CDC25A: variants seen among roughly 807,000 people sequenced by gnomAD.
The protein encoded by CDC25A is cell division cycle 25A.
CDC25A carries 17 observed loss-of-function variants against 64.6 expected under a neutral mutation model. The observed-to-expected ratio is 0.26, with a 90% CI of 0.18 to 0.39. CDC25A has a LOEUF of 0.39. Among genes scored for constraint, CDC25A ranks in the 10% least tolerant of loss-of-function variants. The probability of loss-of-function intolerance (pLI) is 1.00; values close to 1 mark genes in which losing one functional copy is unlikely to be tolerated. For missense variants in CDC25A, 473 were observed against 654.8 expected, an observed-to-expected ratio of 0.72 and a Z score of 3.03; for synonymous variants, 229 against 238.6, an observed-to-expected ratio of 0.96 and a Z score of 0.37.
chr3:48,184,611 GT>G, intron 3 of CDC25A, 41 bp downstream of exon 3: 2 of 1,427,814 alleles, frequency 1.4e-6, no homozygotes, highest in Non-Finnish European at 1.9e-6. Context: ...GTTTAGACAC[GT>G]TTTTTCTACA....
chr3:48,166,796 T>A (rs1190064404), intron 10 of CDC25A, among the ~76,000 whole-genome samples: 1 of 152,180 alleles, frequency 6.6e-6, no homozygotes, highest in African/African-American at 2.4e-5. Context: ...CCCAGCTACT[T>A]GGGAGGCTGA....
chr3:48,185,972 A>C (rs1380053), intron 2 of CDC25A, among the ~76,000 whole-genome samples: 9,999 of 152,274 alleles, frequency 0.066, 442 homozygotes, highest in East Asian at 0.12. Flanking sequence ...GGATCTTTGC[A>C]CCAATGGTCT....
chr3:48,179,094 G>A (rs2032570385), intron 6 of CDC25A, among the ~76,000 whole-genome samples: 1 of 152,206 alleles, frequency 6.6e-6, no homozygotes, highest in Non-Finnish European at 1.5e-5. Context: ...TCTGGTTCTG[G>A]CATTAGCTTT....
At chr3:48,183,574 TG>T (rs1310024457) in intron 4 of CDC25A, among the ~76,000 whole-genome samples, 1 of 152,092 alleles carries the variant, frequency 6.6e-6, no homozygotes, top group African/African-American at 2.4e-5. Flanking sequence ...CCAGCTCCTC[TG>T]GAAGTTGAGG....
chr3:48,162,004 T>A (rs981613700), intron 13 of CDC25A, among the ~76,000 whole-genome samples: 1 of 152,058 alleles, frequency 6.6e-6, no homozygotes, highest in Non-Finnish European at 1.5e-5. Context: ...GAGGTTGCAG[T>A]GATCCGAGAT....
Position 48,168,801 on chromosome 3 carries a change from C to A in CDC25A, c.931-857G>T, listed in dbSNP as rs1010747433. ...CAGAGCAGCTGAGACTATAGGTGTG[C>A]GCCACCACGCCCAGCTAATTTTTGT... On this transcript the variant is annotated intron_variant, in intron 9 of 14. Transcript: ENST00000302506. 3.3e-5 allele frequency among the ~76,000 whole-genome samples: 5 copies of A among 151,688 alleles called. No individual in the cohort carries two copies. In the East Asian group the frequency reaches 7.8e-4, roughly 24 times the overall value.
At chr3:48,170,129 A>C (rs2032213373) in intron 9 of CDC25A, among the ~76,000 whole-genome samples, 1 of 152,226 alleles carries the variant, frequency 6.6e-6, no homozygotes, top group Non-Finnish European at 1.5e-5. Context: ...CAGCAACAGA[A>C]GACAGAAGTG....
chr3:48,176,308 C>T (rs1575268384), intron 8 of CDC25A, among the ~76,000 whole-genome samples: 1 of 151,950 alleles, frequency 6.6e-6, no homozygotes, highest in South Asian at 2.1e-4. Context: ...TCTGAACATA[C>T]AGGTGTATAT....
At chr3:48,174,182 G>T in intron 9 of CDC25A, 102 bp downstream of exon 9, 1 of 1,115,170 alleles carries the variant, frequency 9.0e-7, no homozygotes, top group Non-Finnish European at 1.3e-6. Context: ...CAAAACCCCA[G>T]CAAATCTTAG....
chr3:48,175,149 T>C (rs756660039), intron 8 of CDC25A, among the ~76,000 whole-genome samples: 2 of 151,998 alleles, frequency 1.3e-5, no homozygotes, highest in Non-Finnish European at 2.9e-5. Flanking sequence ...ACAAAAAAAT[T>C]AGCCAGGTGT....
At chr3:48,176,744 G>C (rs946012729) in intron 8 of CDC25A, among the ~76,000 whole-genome samples, 2 of 151,630 alleles carry the variant, frequency 1.3e-5, no homozygotes, top group Admixed American at 1.3e-4. Context: ...GTCGAGGTGG[G>C]CAGATCACCT....
intron 9 of CDC25A, among the ~76,000 whole-genome samples, chr3:48,169,996 G>A (rs898400375): frequency 2.0e-5 from 3 of 151,036 alleles, no homozygotes; most frequent in Non-Finnish European, 2.9e-5. Context: ...GCGACAGAGC[G>A]AGACTTGGTC....
chr3:48,179,796 T>C (rs2032595575), intron 6 of CDC25A, among the ~76,000 whole-genome samples: 2 of 152,232 alleles, frequency 1.3e-5, no homozygotes, highest in African/African-American at 4.8e-5. Flanking sequence ...CATATAAAAG[T>C]GCTTTGTGCA....
intron 13 of CDC25A, among the ~76,000 whole-genome samples, chr3:48,163,811 G>C (rs1208710908): frequency 6.6e-6 from 1 of 152,044 alleles, no homozygotes; most frequent in East Asian, 1.9e-4. Flanking sequence ...GGTCCTTGTT[G>C]GTCCTGCTCG....
intron 2 of CDC25A, among the ~76,000 whole-genome samples, chr3:48,184,975 T>C (rs1325960018): frequency 6.6e-6 from 1 of 152,222 alleles, no homozygotes; most frequent in Non-Finnish European, 1.5e-5. Flanking sequence ...ATAAAACTGA[T>C]TCATATCATG....
Position 48,162,072 on chromosome 3 carries a change from CAAA to C in CDC25A, c.1322+2232_1322+2234del, listed in dbSNP as rs2106686806. 1.3e-5 allele frequency among the ~76,000 whole-genome samples: 2 copies of C among 152,048 alleles called. 1 individual carries two copies. Among genetic ancestry groups the C allele is most frequent in the South Asian group, 4.2e-4 (2 of 4,816 alleles). ...CAAGACTACATCTCAAACAAACAAA[CAAA>C]AAAACTGCTGAGTGAATAATTCCAT... On this transcript the variant is annotated intron_variant, in intron 13 of 14. Transcript: ENST00000302506.
chr3:48,184,780 G>A, intron 2 of CDC25A, 85 bp from the exon 3 acceptor site: 1 of 970,308 alleles, frequency 1.0e-6, no homozygotes, highest in Non-Finnish European at 1.5e-6. Context: ...CAAAGTACCT[G>A]GGTCTTTATT....
rs765597714 is a variant in CDC25A at position 48,187,746 on chromosome 3, G to C, written c.170+32C>G. On this transcript the variant is annotated intron_variant, in intron 1 of 14. Transcript: ENST00000302506. ...TCCGAGGCCGACACCGAGGCCAGGG[G>C]CCCGGAGCACCGCCCGCCGGTCTCT... 683 of 1,524,246 alleles carry C rather than the reference G, an allele frequency of 4.5e-4. 1 individual carries two copies. Among genetic ancestry groups the C allele is most frequent in the Non-Finnish European group, 5.9e-4 (663 of 1,132,986 alleles). The allele number at this position is 1,524,246 out of a possible 1,614,324, so 94.4% of individuals were successfully genotyped here. A position where few individuals can be genotyped will look rare whatever the true frequency, so the allele number is the denominator to read the frequency against.
At chr3:48,162,772 C>T (rs2031831881) in intron 13 of CDC25A, among the ~76,000 whole-genome samples, 1 of 151,538 alleles carries the variant, frequency 6.6e-6, no homozygotes, top group African/African-American at 2.4e-5. Flanking sequence ...GGCATGAACC[C>T]AGGAGGCGGA....
Sources: gnomAD v4.1 joint callset for allele counts (sites outside exome capture counted in the v4.1 genomes callset) on GRCh38, gnomAD v4.1.1 for gene constraint, MANE v1.5 for transcripts, NCBI Gene and HGNC (gene_info 2026-07-23, HGNC 2026-07-21) for gene names.